Variants in SLC38A1 observed in about 807,000 individuals in gnomAD.
SLC38A1 encodes the protein sodium-coupled neutral amino acid symporter 1.
SLC38A1 carries 18 observed loss-of-function variants against 60.3 expected under a neutral mutation model. The ratio of observed to expected loss-of-function variants is 0.30; its 90% CI spans 0.21 to 0.44. The LOEUF is 0.44. SLC38A1 is among the 20% of genes least tolerant of loss of function. SLC38A1 has a pLI of 1.00. For synonymous variants in SLC38A1, 196 were observed against 212.1 expected (o/e 0.92, Z 0.66); for missense variants, 448 against 587.2 (o/e 0.76, Z 2.45).
At chr12:46,246,777 CA>C (rs1184557398) in intron 1 of SLC38A1, among the ~76,000 whole-genome samples, 8 of 152,144 alleles carry the variant, frequency 5.3e-5, no homozygotes, top group Non-Finnish European at 1.0e-4. Flanking sequence ...ACACCTCATA[CA>C]AGCAGGAGCC....
chr12:46,265,292 G>A (rs553578194), intron 1 of SLC38A1, among the ~76,000 whole-genome samples: 2 of 152,320 alleles, frequency 1.3e-5, no homozygotes, highest in Non-Finnish European at 1.5e-5. Context: ...TTGACTCAGA[G>A]CCTAAGCCCC....
At chr12:46,198,519 C>G (rs1939490794) in intron 14 of SLC38A1, 106 bp downstream of exon 14, 1 of 709,226 alleles carries the variant, frequency 1.4e-6, no homozygotes, top group Non-Finnish European at 2.3e-6. Context: ...GATTCAATAA[C>G]CCAGGAAAGT....
chr12:46,241,005 T>C (rs75197801), intron 2 of SLC38A1, among the ~76,000 whole-genome samples: 2,152 of 152,298 alleles, frequency 0.014, 49 homozygotes, highest in African/African-American at 0.048. Context: ...CCACCCTGAA[T>C]GTGCCCAATC....
intron 1 of SLC38A1, among the ~76,000 whole-genome samples, chr12:46,259,676 T>C (rs1458822938): frequency 1.3e-5 from 2 of 152,168 alleles, no homozygotes; most frequent in East Asian, 1.9e-4. Flanking sequence ...AGCTAGTAAG[T>C]GGTCTCAGAA....
intron 5 of SLC38A1, among the ~76,000 whole-genome samples, chr12:46,210,670 T>G (rs1238209727): frequency 6.6e-6 from 1 of 152,134 alleles, no homozygotes; most frequent in East Asian, 1.9e-4. Context: ...GTTCTTGTGG[T>G]AGTGAATAAG....
At chr12:46,244,919 C>CATG (rs893995061) in intron 1 of SLC38A1, among the ~76,000 whole-genome samples, 1 of 152,138 alleles carries the variant, frequency 6.6e-6, no homozygotes, top group African/African-American at 2.4e-5. Context: ...ATTTTAAACA[C>CATG]ATGTAAAAGT....
chr12:46,253,315 A>G (rs557076498), intron 1 of SLC38A1, among the ~76,000 whole-genome samples: 4 of 152,244 alleles, frequency 2.6e-5, no homozygotes, highest in African/African-American at 9.6e-5. Flanking sequence ...GATTATTAAG[A>G]AAGTAAAGGA....
At chr12:46,250,816 C>T (rs894100560) in intron 1 of SLC38A1, among the ~76,000 whole-genome samples, 5 of 152,158 alleles carry the variant, frequency 3.3e-5, no homozygotes, top group African/African-American at 1.2e-4. Context: ...AGGAGAACTA[C>T]AAACTACTGC....
chr12:46,241,476 C>G (rs1353304934), intron 2 of SLC38A1, among the ~76,000 whole-genome samples: 2 of 152,120 alleles, frequency 1.3e-5, no homozygotes, highest in African/African-American at 2.4e-5. Flanking sequence ...ATAATATACA[C>G]ATGTTTATAA....
intron 8 of SLC38A1, 48 bp from the exon 9 acceptor site, chr12:46,206,210 T>A: frequency 8.8e-7 from 1 of 1,133,436 alleles, no homozygotes; most frequent in Admixed American, 2.1e-5. Context: ...GAAAGTGACT[T>A]TTTTCCCCTC....
chr12:46,262,670 A>T (rs548275372), intron 1 of SLC38A1, among the ~76,000 whole-genome samples: 2 of 152,358 alleles, frequency 1.3e-5, no homozygotes, highest in African/African-American at 4.8e-5. Context: ...GCCCTAGCTA[A>T]GTTATGACTC....
intron 16 of SLC38A1, among the ~76,000 whole-genome samples, chr12:46,195,465 C>T (rs1476450729): frequency 1.3e-5 from 2 of 152,196 alleles, no homozygotes; most frequent in Non-Finnish European, 1.5e-5. Context: ...AGAACCATTG[C>T]TCTCTTTAGA....
At chr12:46,263,891 T>C (rs892325719) in intron 1 of SLC38A1, among the ~76,000 whole-genome samples, 1 of 152,248 alleles carries the variant, frequency 6.6e-6, no homozygotes, top group Non-Finnish European at 1.5e-5. Flanking sequence ...AATTTCACAC[T>C]ACTAAGACTA....
Position 46,188,900 on chromosome 12 carries a change from G to GT in SLC38A1, c.*69dup. On this transcript the variant is annotated 3_prime_UTR_variant, in exon 17 of 17. Coordinates refer to ENST00000398637, the MANE Select transcript of SLC38A1 (RefSeq NM_030674.4). ...CTTCTGTAAACTTGCAAAAGAAGTG[G>GT]TGAGAGATTGCTGATGTGTGGGGAC... 1 of 1,247,656 alleles carries GT rather than the reference G, an allele frequency of 8.0e-7. No homozygotes were observed. Among genetic ancestry groups the GT allele is most frequent in the East Asian group, 2.3e-5 (1 of 42,982 alleles). 77.3% of individuals were successfully genotyped at this position (1,247,656 alleles called of 1,614,324 possible).
At chr12:46,224,781 C>T (rs1045087442) in intron 5 of SLC38A1, among the ~76,000 whole-genome samples, 2 of 152,170 alleles carry the variant, frequency 1.3e-5, no homozygotes, top group African/African-American at 4.8e-5. Flanking sequence ...GTACAACTAC[C>T]TTCATGAGAT....
chr12:46,204,589 C>A lies in SLC38A1; in HGVS notation c.648G>T (p.Gly216=), dbSNP rs1328404757. The A allele has an allele frequency of 1.3e-6, 2 of 1,585,782 alleles. No homozygotes were observed. Among genetic ancestry groups the A allele is most frequent in the Admixed American group, 1.9e-5 (1 of 53,586 alleles). The stretch of plus-strand genomic sequence containing the variant: ...AAAATCCACTAGTATAGCCAAGATA[C>A]CCTTTAAAAAAAAGTAAAAAATAAA... ...ILPLCLLKNL[G]YLGYTSGFSL... is the part of the protein sequence containing the mutation. The change falls in exon 10 of 17, where the codon GGG becomes GGT. Residue 216 remains glycine (G), a splice_region_variant and synonymous_variant. Coordinates refer to ENST00000398637, the MANE Select transcript of SLC38A1 (RefSeq NM_030674.4).
At chr12:46,234,213 C>T (rs927097818) in intron 3 of SLC38A1, among the ~76,000 whole-genome samples, 1 of 152,198 alleles carries the variant, frequency 6.6e-6, no homozygotes, top group Non-Finnish European at 1.5e-5. Flanking sequence ...CCAGTGCTGT[C>T]TCTCAGCTCC....
rs569459707 is a variant in SLC38A1 at position 46,208,374 on chromosome 12, C to T, written c.388+680G>A. Among the ~76,000 whole-genome samples, 49 of 152,310 alleles carry T rather than the reference C, an allele frequency of 3.2e-4. No individual in the cohort carries two copies. The South Asian group carries it at 8.9e-3, about 28-fold the overall frequency. ...TTCACGGAGAGCAATATGGGACAGG[C>T]TATAATTAAACCTTTGTTTAATCTC... is the stretch of plus-strand genomic sequence containing the variant. On this transcript the variant is annotated intron_variant, in intron 6 of 16. Transcript: ENST00000398637.
intron 13 of SLC38A1, among the ~76,000 whole-genome samples, chr12:46,200,839 C>T (rs1484000792): frequency 1.3e-5 from 2 of 152,066 alleles, no homozygotes; most frequent in African/African-American, 2.4e-5. Context: ...GTAAAGGTAG[C>T]ATGCTTCTAA....
Sources: gnomAD v4.1 joint callset for allele counts (sites outside exome capture counted in the v4.1 genomes callset) on GRCh38, gnomAD v4.1.1 for gene constraint, MANE v1.5 for transcripts, NCBI Gene and HGNC (gene_info 2026-07-23, HGNC 2026-07-21) for gene names.